MGLL: variants seen among roughly 807,000 people sequenced by gnomAD.
MGLL encodes the protein lysophospholipase homolog.
In MGLL, 7 loss-of-function variants were observed where a neutral mutation model predicts 29.1. The ratio of observed to expected loss-of-function variants is 0.24; its 90% confidence interval spans 0.14 to 0.45. MGLL has a LOEUF of 0.45. MGLL is among the 20% of genes least tolerant of loss of function. The probability of loss-of-function intolerance (pLI) is 0.99; values close to 1 mark genes in which losing one functional copy is unlikely to be tolerated. For missense variants in MGLL, 356 were observed against 413.6 expected (o/e 0.86, Z 1.21); for synonymous variants, 148 against 168.3 (o/e 0.88, Z 0.93).
At chr3:127,820,110 T>C (rs1462924293) in intron 2 of MGLL, among the ~76,000 whole-genome samples, 2 of 152,216 alleles carry the variant, frequency 1.3e-5, no homozygotes, top group African/African-American at 2.4e-5. Flanking sequence ...TCTAGACCCA[T>C]AGGTTTCTTC....
intron 3 of MGLL, among the ~76,000 whole-genome samples, chr3:127,758,508 T>C (rs1036669401): frequency 6.6e-6 from 1 of 152,180 alleles, no homozygotes; most frequent in African/African-American, 2.4e-5. Context: ...AGTCAATAGC[T>C]AGAAGTTTTT....
chr3:127,818,777 C>T (rs930847701), intron 2 of MGLL, among the ~76,000 whole-genome samples: 10 of 152,124 alleles, frequency 6.6e-5, no homozygotes, highest in Admixed American at 1.3e-4. Context: ...CCTCTGTTTC[C>T]TCATCTGTAA....
At chr3:127,806,121 G>A (rs1185513391) in intron 2 of MGLL, among the ~76,000 whole-genome samples, 3 of 152,160 alleles carry the variant, frequency 2.0e-5, no homozygotes, top group African/African-American at 7.2e-5. Flanking sequence ...GGCCAGGTGG[G>A]GCATGAGCAT....
At chr3:127,738,136 C>CA (rs918808035) in intron 3 of MGLL, among the ~76,000 whole-genome samples, 3 of 151,608 alleles carry the variant, frequency 2.0e-5, no homozygotes, top group East Asian at 2.0e-4. Flanking sequence ...CCCACCTGTA[C>CA]AAAAAATACA....
In MGLL at chr3:127,762,791, G is replaced by A. The variant is rs1438792481; in HGVS notation, c.262+18998C>T. Among the ~76,000 whole-genome samples, 5 of 152,306 alleles carry A rather than the reference G, an allele frequency of 3.3e-5. No homozygotes were observed. In the South Asian group the frequency reaches 1.0e-3, roughly 32 times the overall value. ...GGTGCACTTCCTGCATGCTGCTCTG[G>A]GCCAGGGCCTGTTCCAAGCAATTTA... On this transcript the variant is annotated intron_variant, in intron 3 of 7. Transcript: ENST00000265052.
chr3:127,788,616 CT>C (rs2107718843), intron 2 of MGLL, among the ~76,000 whole-genome samples: 1 of 152,260 alleles, frequency 6.6e-6, no homozygotes, highest in Admixed American at 6.5e-5. Context: ...TCCACACCCC[CT>C]CTGTCTATGA....
At chr3:127,740,179 G>T (rs561747416) in intron 3 of MGLL, among the ~76,000 whole-genome samples, 1 of 152,330 alleles carries the variant, frequency 6.6e-6, no homozygotes. Context: ...TGGTAAATGT[G>T]CATAACCTAA....
At chr3:127,804,707 C>T (rs2077535836) in intron 2 of MGLL, among the ~76,000 whole-genome samples, 1 of 152,096 alleles carries the variant, frequency 6.6e-6, no homozygotes, top group African/African-American at 2.4e-5. Context: ...AATAAAATAA[C>T]CTAAGATGAG....
At chr3:127,805,174 T>C (rs912516394) in intron 2 of MGLL, among the ~76,000 whole-genome samples, 25 of 152,190 alleles carry the variant, frequency 1.6e-4, no homozygotes, top group African/African-American at 6.0e-4. Context: ...GTAACATTCA[T>C]TTTCTTTCCT....
At chr3:127,800,172 G>A (rs1028245240) in intron 2 of MGLL, among the ~76,000 whole-genome samples, 1 of 152,206 alleles carries the variant, frequency 6.6e-6, no homozygotes, top group South Asian at 2.1e-4. Flanking sequence ...CACTCTAAGT[G>A]GTGGTGGGGC....
Position 127,716,573 on chromosome 3 carries a change from G to A in MGLL, c.510+4480C>T, listed in dbSNP as rs114857944. Among the ~76,000 whole-genome samples the A allele has an allele frequency of 2.6e-3, 393 of 152,380 alleles. 2 individuals are homozygous for A. The highest frequency in any genetic ancestry group is 9.3e-3 in the African/African-American group (385 of 41,590). Reference sequence around the variant, plus strand: ...TTGATGAGCAAGAGGCTTGAGGGGCGTTCCCGATGCACCATCACGCCTGTC... The same window carrying A: ...TTGATGAGCAAGAGGCTTGAGGGGCATTCCCGATGCACCATCACGCCTGTC... On this transcript the variant is annotated intron_variant, in intron 5 of 7. Transcript: ENST00000265052.
At chr3:127,784,333 G>A (rs1366973188) in intron 2 of MGLL, among the ~76,000 whole-genome samples, 6 of 152,196 alleles carry the variant, frequency 3.9e-5, no homozygotes, top group East Asian at 1.9e-4. Context: ...CAGTGGCTCC[G>A]ATGTACAGCC....
chr3:127,713,829 GC>G (rs758070250), intron 5 of MGLL: 6 of 152,258 alleles, frequency 3.9e-5, no homozygotes, highest in Non-Finnish European at 7.3e-5. Context: ...AAGTGACAAG[GC>G]CTCTACTTCC....
At chr3:127,704,980 A>C (rs1441231036) in intron 6 of MGLL, among the ~76,000 whole-genome samples, 1 of 152,234 alleles carries the variant, frequency 6.6e-6, no homozygotes, top group East Asian at 1.9e-4. Flanking sequence ...CCAAATACCC[A>C]TCAATGATAG....
intron 3 of MGLL, among the ~76,000 whole-genome samples, chr3:127,751,338 A>G (rs2107669768): frequency 6.6e-6 from 1 of 151,852 alleles, no homozygotes. Flanking sequence ...GGACCAACAC[A>G]ATGCAGCAAA....
rs187969980 is a variant in MGLL, at chr3:127,738,551, A to G, written c.263-15985T>C. 5.1e-4 allele frequency among the ~76,000 whole-genome samples: 78 copies of G among 152,290 alleles called. 1 individual carries two copies. In the East Asian group the frequency reaches 0.014, roughly 28 times the overall value. On this transcript the variant is annotated intron_variant, in intron 3 of 7. Transcript: ENST00000265052. ...GGACAGGCAGAAGGAGGTCCTGGGC[A>G]GGAGCCATCTGCCAGGCTGGAGCAC...
chr3:127,751,193 C>T (rs1344448018), intron 3 of MGLL, among the ~76,000 whole-genome samples: 2 of 152,126 alleles, frequency 1.3e-5, no homozygotes, highest in East Asian at 3.9e-4. Flanking sequence ...ACACTGCTCT[C>T]GGTCATTCGG....
rs544812695 is a variant in MGLL, at chr3:127,764,233, G to C, written c.262+17556C>G. 3.3e-5 allele frequency among the ~76,000 whole-genome samples: 5 copies of C among 152,358 alleles called. No individual in the cohort carries two copies. The South Asian group carries it at 8.3e-4, about 25-fold the overall frequency. On this transcript the variant is annotated intron_variant, in intron 3 of 7. Transcript: ENST00000265052. ...TCTGTGAGCATCTGCTCCCACCACA[G>C]ACTCCTGGGGTTCTAGGAAGCCTAA...
At chr3:127,811,951 C>T (rs1256094530) in intron 2 of MGLL, among the ~76,000 whole-genome samples, 1 of 152,252 alleles carries the variant, frequency 6.6e-6, no homozygotes, top group East Asian at 1.9e-4. Context: ...TGCGAACCCA[C>T]AGAATCATGG....
Sources: allele counts gnomAD v4.1 joint callset (sites outside exome capture counted in the v4.1 genomes callset), GRCh38; gene constraint gnomAD v4.1.1; transcripts MANE v1.5; gene names NCBI Gene and HGNC (gene_info 2026-07-23, HGNC 2026-07-21).